The following OXR1 variants were observed in gnomAD, a reference collection of about 807,000 sequenced individuals.
OXR1 encodes oxidation resistance 1, also known as oxidation resistance protein 1.
OXR1 carries 41 observed loss-of-function variants against 104.6 expected under a neutral mutation model. That is an observed-to-expected ratio of 0.39 (90% CI 0.31 to 0.51). The LOEUF (loss-of-function observed/expected upper bound fraction) is 0.51. Ranked by LOEUF, OXR1 falls within the 20% of genes least tolerant of loss-of-function variation. The probability of loss-of-function intolerance (pLI) is 0.77; values close to 1 mark genes in which losing one functional copy is unlikely to be tolerated. For synonymous variants in OXR1, 348 were observed against 348.4 expected (o/e 1.00, Z 0.01); for missense variants, 955 against 1,031.9 (o/e 0.93, Z 1.02).
At chr8:106,391,449 A>G (rs1185871612) in intron 2 of OXR1, among the ~76,000 whole-genome samples, 2 of 152,164 alleles carry the variant, frequency 1.3e-5, no homozygotes, top group African/African-American at 4.8e-5. Flanking sequence ...TGACCATGAC[A>G]TACACTCCTT....
At chr8:106,574,281 A>C (rs1817673627) in intron 3 of OXR1, among the ~76,000 whole-genome samples, 1 of 152,168 alleles carries the variant, frequency 6.6e-6, no homozygotes, top group Non-Finnish European at 1.5e-5. Context: ...TTTGGTATCA[A>C]GGGTAGATTC....
intron 3 of OXR1, among the ~76,000 whole-genome samples, chr8:106,614,819 G>C (rs1425690450): frequency 6.6e-6 from 1 of 152,102 alleles, no homozygotes; most frequent in Non-Finnish European, 1.5e-5. Context: ...ATATGGCAGT[G>C]TGTGTGTGTA....
intron 1 of OXR1, among the ~76,000 whole-genome samples, chr8:106,352,639 G>A (rs1815778161): frequency 2.6e-5 from 4 of 152,166 alleles, no homozygotes. Flanking sequence ...CTAAAATCCT[G>A]AATAGGAATG....
intron 1 of OXR1, among the ~76,000 whole-genome samples, chr8:106,331,593 C>G (rs973274428): frequency 6.6e-6 from 1 of 151,970 alleles, no homozygotes; most frequent in Admixed American, 6.6e-5. Flanking sequence ...TTCTGAAAAA[C>G]TTTTTATTCT....
chr8:106,732,693 A>G lies in OXR1; in HGVS notation c.1957-4827A>G, dbSNP rs141309618. ...TAATAGATTACATCAATTGATTTTC[A>G]AGGCTGTACCAGTCTTGCGTAGGTG... On this transcript the variant is annotated intron_variant, in intron 11 of 16. Coordinates refer to ENST00000517566, the MANE Select transcript of OXR1 (RefSeq NM_001198533.2). Among the ~76,000 whole-genome samples the G allele has an allele frequency of 2.6e-3, 394 of 152,204 alleles. 1 individual carries two copies. Among genetic ancestry groups the G allele is most frequent in the African/African-American group, 9.1e-3 (377 of 41,550 alleles).
Position 106,373,681 on chromosome 8 carries a change from C to G in OXR1, c.23+14045C>G, listed in dbSNP as rs1185415532. Among the ~76,000 whole-genome samples, 3 of 152,150 alleles carry G rather than the reference C, an allele frequency of 2.0e-5. No homozygotes were observed. The South Asian group carries it at 6.2e-4, about 32-fold the overall frequency. On this transcript the variant is annotated intron_variant, in intron 2 of 16. Transcript: ENST00000517566. ...CTTAGCTCACTGCAACCTCGACCTCCGAGGTTCAAGTGATTCTCCTGTCTC... is the reference window on the plus strand; with the variant it reads ...CTTAGCTCACTGCAACCTCGACCTCGGAGGTTCAAGTGATTCTCCTGTCTC...
chr8:106,528,703 G>T (rs911972258), intron 3 of OXR1, among the ~76,000 whole-genome samples: 4 of 152,144 alleles, frequency 2.6e-5, no homozygotes, highest in African/African-American at 4.8e-5. Context: ...ACTATAACAG[G>T]AGGTTAAAAA....
chr8:106,398,123 A>G (rs1193062608), intron 2 of OXR1, among the ~76,000 whole-genome samples: 1 of 152,096 alleles, frequency 6.6e-6, no homozygotes, highest in Non-Finnish European at 1.5e-5. Flanking sequence ...TTACCTAATG[A>G]ACTAATTTTA....
intron 3 of OXR1, among the ~76,000 whole-genome samples, chr8:106,654,734 A>T (rs1824908022): frequency 6.6e-6 from 1 of 152,180 alleles, no homozygotes; most frequent in Non-Finnish European, 1.5e-5. Flanking sequence ...AAAAATATTG[A>T]TAAATTTGGA....
chr8:106,716,565 A>G (rs1468096090), intron 11 of OXR1, among the ~76,000 whole-genome samples: 1 of 28,190 alleles, frequency 3.5e-5, no homozygotes, highest in South Asian at 1.0e-3. Flanking sequence ...CGGAGCTTGC[A>G]GTGAGCCGAG....
At position 106,577,378 on chromosome 8, in the gene OXR1, CTTTTTTTTTT is replaced by C. The variant is rs5893798; in HGVS notation, c.220+58258_220+58267del. ...GGCGCCCGCCACTATGCCCAGCTAA[CTTTTTTTTTT>C]TTTTTTTTTTTTTTTTTTGAGACAG... On this transcript the variant is annotated intron_variant, in intron 3 of 16. Coordinates refer to ENST00000517566, the MANE Select transcript of OXR1 (RefSeq NM_001198533.2). 3.7e-4 allele frequency among the ~76,000 whole-genome samples: 16 copies of C among 43,604 alleles called. No homozygotes were observed. The East Asian group carries it at 6.4e-3, about 17-fold the overall frequency. 28.6% of individuals were successfully genotyped at this position (43,604 alleles called of 152,430 possible). A position where few individuals can be genotyped will look rare whatever the true frequency, so the allele number is the denominator to read the frequency against.
intron 2 of OXR1, among the ~76,000 whole-genome samples, chr8:106,389,457 T>C (rs972867640): frequency 6.6e-6 from 1 of 152,152 alleles, no homozygotes; most frequent in Non-Finnish European, 1.5e-5. Context: ...ATCCCTACCA[T>C]GCCTATGAGG....
chr8:106,547,492 C>CTTTCTT (rs750534185), intron 3 of OXR1, among the ~76,000 whole-genome samples: 1 of 116,620 alleles, frequency 8.6e-6, no homozygotes, highest in Non-Finnish European at 1.7e-5. Flanking sequence ...TTCTTTCTTT[C>CTTTCTT]TTTTTTTTTT....
At chr8:106,692,550 A>T (rs1255648995) in intron 6 of OXR1, among the ~76,000 whole-genome samples, 178 bp from the exon 7 acceptor site, 2 of 152,120 alleles carry the variant, frequency 1.3e-5, no homozygotes, top group Non-Finnish European at 2.9e-5. Flanking sequence ...TGAATATGAA[A>T]ATAGTGCCAC....
chr8:106,599,113 C>A (rs1819749603), intron 3 of OXR1, among the ~76,000 whole-genome samples: 1 of 152,116 alleles, frequency 6.6e-6, no homozygotes, highest in African/African-American at 2.4e-5. Context: ...TTTAAGGAGC[C>A]TAGCTGAAAG....
intron 3 of OXR1, among the ~76,000 whole-genome samples, chr8:106,574,298 T>C (rs765667425): frequency 2.6e-5 from 4 of 152,190 alleles, no homozygotes; most frequent in Admixed American, 6.5e-5. Flanking sequence ...ATTCTCCTAA[T>C]TCCTCTGGCT....
intron 1 of OXR1, among the ~76,000 whole-genome samples, chr8:106,358,418 G>T (rs1176343096): frequency 6.6e-6 from 1 of 152,182 alleles, no homozygotes; most frequent in Non-Finnish European, 1.5e-5. Flanking sequence ...TGGGCTGGAA[G>T]CCCCCTTTTC....
intron 7 of OXR1, among the ~76,000 whole-genome samples, chr8:106,700,126 T>G (rs1236930866): frequency 6.6e-6 from 1 of 152,182 alleles, no homozygotes; most frequent in Non-Finnish European, 1.5e-5. Flanking sequence ...ATGGAAGTTG[T>G]TAATACAAAA....
Position 106,710,805 on chromosome 8 carries a change from C to T in OXR1, c.1793+15C>T, listed in dbSNP as rs187969425. The T allele has an allele frequency of 2.0e-4, 296 of 1,453,114 alleles. No individual in the cohort carries two copies. The African/African-American group carries it at 2.4e-3, about 12-fold the overall frequency. 90.0% of individuals were successfully genotyped at this position (1,453,114 alleles called of 1,614,324 possible). A position where few individuals can be genotyped will look rare whatever the true frequency, so the allele number is the denominator to read the frequency against. ...CCACAAGAAAGGTAAAAAACCCATACGACACCTTGAGAGCATTATTGAGAT... is the reference window on the plus strand; with the variant it reads ...CCACAAGAAAGGTAAAAAACCCATATGACACCTTGAGAGCATTATTGAGAT... On this transcript the variant is annotated intron_variant, in intron 10 of 16. Transcript: ENST00000517566.
Sources: gnomAD v4.1 joint callset for allele counts (sites outside exome capture counted in the v4.1 genomes callset) on GRCh38, gnomAD v4.1.1 for gene constraint, MANE v1.5 for transcripts, NCBI Gene and HGNC (gene_info 2026-07-23, HGNC 2026-07-21) for gene names.